NGEF: variants seen among roughly 807,000 people sequenced by gnomAD.
The protein encoded by NGEF is neuronal guanine nucleotide exchange factor, also known as ephexin-1.
A neutral mutation model predicts 80.9 loss-of-function variants in NGEF; 31 were observed. That is an observed-to-expected ratio of 0.38 (90% CI 0.29 to 0.52). NGEF has a LOEUF of 0.52. NGEF is among the 20% of genes least tolerant of loss of function. NGEF has a pLI of 0.84. For synonymous variants in NGEF, 371 were observed against 370.2 expected, an observed-to-expected ratio of 1.00 and a Z score of -0.03; for missense variants, 709 against 926.2, an observed-to-expected ratio of 0.77 and a Z score of 3.04.
At chr2:232,917,224 A>C (rs1692822549) in intron 5 of NGEF, among the ~76,000 whole-genome samples, 1 of 152,224 alleles carries the variant, frequency 6.6e-6, no homozygotes, top group Admixed American at 6.5e-5. Context: ...AATGTGCTAA[A>C]ACTAAAAGAA....
chr2:232,975,572 C>T (rs1000204429), intron 1 of NGEF, among the ~76,000 whole-genome samples: 3 of 152,156 alleles, frequency 2.0e-5, no homozygotes, highest in African/African-American at 7.2e-5. Flanking sequence ...GGTTACCTCC[C>T]TCTGGGGTGA....
chr2:232,994,800 A>G (rs2106337123), intron 1 of NGEF, among the ~76,000 whole-genome samples: 1 of 152,150 alleles, frequency 6.6e-6, no homozygotes, highest in Admixed American at 6.5e-5. Flanking sequence ...GAGCTGCTTT[A>G]TTTATGCATT....
intron 2 of NGEF, among the ~76,000 whole-genome samples, chr2:232,972,023 G>C (rs543109268): frequency 9.8e-5 from 15 of 152,328 alleles, no homozygotes; most frequent in African/African-American, 3.6e-4. Context: ...TTATGCACTT[G>C]AAATGTGGCT....
intron 3 of NGEF, among the ~76,000 whole-genome samples, chr2:232,962,828 G>A (rs902769501): frequency 2.0e-5 from 3 of 151,776 alleles, no homozygotes; most frequent in African/African-American, 7.3e-5. Flanking sequence ...AACAATTTAA[G>A]TTGCCAATAT....
Position 232,974,787 on chromosome 2 carries a change from A to C in NGEF, c.104T>G (p.Leu35Arg), listed in dbSNP as rs767299628. 3 of 1,614,050 alleles carry C rather than the reference A, an allele frequency of 1.9e-6. No homozygotes were observed. Among genetic ancestry groups the C allele is most frequent in the Non-Finnish European group, 2.5e-6 (3 of 1,180,032 alleles). ...NEPAKVKPEL[L>R]PEKEETSQAD... ...TTGAGAAGTCTCCTCTTTTTCTGGGAGTAACTCAGGTTTCACCTTGGCTGG... is the reference window on the plus strand; with the variant it reads ...TTGAGAAGTCTCCTCTTTTTCTGGGCGTAACTCAGGTTTCACCTTGGCTGG... Residue 35 changes from leucine to arginine, a missense_variant, in exon 2 of 15, where the codon CTC (leucine) becomes CGC (arginine). By Grantham distance (102) the Leu-to-Arg change is moderately radical. Coordinates refer to ENST00000264051, the MANE Select transcript of NGEF (RefSeq NM_019850.3).
chr2:232,961,223 C>T (rs541582527), intron 3 of NGEF, among the ~76,000 whole-genome samples: 226 of 152,234 alleles, frequency 1.5e-3, no homozygotes, highest in Non-Finnish European at 1.8e-3. Context: ...TAATCTACTG[C>T]CTCTAGCCCC....
intron 2 of NGEF, among the ~76,000 whole-genome samples, chr2:232,973,577 G>A (rs1694236288): frequency 6.6e-6 from 1 of 152,164 alleles, no homozygotes; most frequent in African/African-American, 2.4e-5. Flanking sequence ...CTCAGAACCC[G>A]ACTGCCATAT....
In NGEF at chr2:232,891,894, G is replaced by A. The variant is rs72482111; in HGVS notation, c.1143-407C>T. On this transcript the variant is annotated intron_variant, in intron 7 of 14. Transcript: ENST00000264051. ...ACTATTTCTGACAGGTGGGCTCAGC[G>A]GTGGGCTGGGCCACAGCGCTGATGA... 7.2e-5 allele frequency among the ~76,000 whole-genome samples: 11 copies of A among 152,242 alleles called. No homozygotes were observed. The East Asian group carries it at 1.9e-3, about 27-fold the overall frequency.
At chr2:232,901,890 C>T (rs1692367554) in intron 5 of NGEF, among the ~76,000 whole-genome samples, 1 of 152,236 alleles carries the variant, frequency 6.6e-6, no homozygotes, top group Non-Finnish European at 1.5e-5. Flanking sequence ...ACCATCCAGG[C>T]TCCGTGTCTC....
At chr2:232,998,879 T>C (rs986435026) in intron 1 of NGEF, among the ~76,000 whole-genome samples, 2 of 152,186 alleles carry the variant, frequency 1.3e-5, no homozygotes, top group Non-Finnish European at 2.9e-5. Flanking sequence ...TGTAGGGTGA[T>C]GTTGCATATC....
At chr2:233,001,781 G>C (rs1406261815) in intron 1 of NGEF, among the ~76,000 whole-genome samples, 1 of 152,120 alleles carries the variant, frequency 6.6e-6, no homozygotes, top group Non-Finnish European at 1.5e-5. Flanking sequence ...TTGGGAGGCC[G>C]AGGCGGGTGG....
chr2:232,989,129 T>C (rs1350140918), intron 1 of NGEF, among the ~76,000 whole-genome samples: 1 of 152,178 alleles, frequency 6.6e-6, no homozygotes, highest in African/African-American at 2.4e-5. Context: ...TTAAGGTATG[T>C]ACCTTTTAAT....
intron 3 of NGEF, among the ~76,000 whole-genome samples, chr2:232,967,570 T>C (rs957903099): frequency 2.0e-5 from 3 of 152,114 alleles, no homozygotes; most frequent in Admixed American, 6.6e-5. Flanking sequence ...CCTGACCTCA[T>C]GTGATCCTCC....
chr2:232,906,829 C>T lies in NGEF; in HGVS notation c.829-11913G>A, dbSNP rs1423465807. ...GACATGGGAGACTTTTCATTTTGTT[C>T]TGTACTAAGAAAAATTCTTCTGCCT... On this transcript the variant is annotated intron_variant, in intron 5 of 14. Coordinates refer to ENST00000264051, the MANE Select transcript of NGEF (RefSeq NM_019850.3). 3.3e-5 allele frequency among the ~76,000 whole-genome samples: 5 copies of T among 151,766 alleles called. No homozygotes were observed. In the East Asian group the frequency reaches 5.8e-4, roughly 18 times the overall value.
chr2:232,976,062 T>G (rs1158737779), intron 1 of NGEF, among the ~76,000 whole-genome samples: 1 of 151,900 alleles, frequency 6.6e-6, no homozygotes, highest in Non-Finnish European at 1.5e-5. Flanking sequence ...TTAGCTGGGT[T>G]TGGTGGCACA....
In NGEF at chr2:232,891,417, A is replaced by G; in HGVS notation, c.1213T>C (p.Phe405Leu). The change falls in exon 8 of 15, where the codon TTC (phenylalanine) becomes CTC (leucine). Residue 405 changes from phenylalanine to leucine, a missense_variant. Transcript: ENST00000264051. Reference sequence around the variant, plus strand: ...AAAGGCAGGATGAGGAAGGAGGAGAAGGGCAGCCCCCTGCACTTGGGGTCG... The same window carrying G: ...AAAGGCAGGATGAGGAAGGAGGAGAGGGGCAGCCCCCTGCACTTGGGGTCG... ...ELDPKCRGLP[F>L]SSFLILPFQR... 1 of 1,613,556 alleles carries G rather than the reference A, an allele frequency of 6.2e-7. No individual in the cohort carries two copies. Among genetic ancestry groups the G allele is most frequent in the Admixed American group, 1.7e-5 (1 of 60,030 alleles).
chr2:232,953,105 C>T (rs938575610), intron 3 of NGEF, among the ~76,000 whole-genome samples: 1 of 150,926 alleles, frequency 6.6e-6, no homozygotes, highest in African/African-American at 2.4e-5. Flanking sequence ...TGTTCGAGAC[C>T]AGCCTGACCA....
intron 5 of NGEF, among the ~76,000 whole-genome samples, chr2:232,903,442 A>G (rs575052691): frequency 0.039 from 5,879 of 152,038 alleles, 392 homozygotes; most frequent in African/African-American, 0.13. Context: ...GAGGGCACAC[A>G]CACACACACA....
intron 4 of NGEF, 72 bp from the exon 5 acceptor site, chr2:232,920,657 AG>A: frequency 4.9e-6 from 7 of 1,428,804 alleles, no homozygotes; most frequent in Non-Finnish European, 5.6e-6. Flanking sequence ...CCCTAAGTCA[AG>A]GCTTCGTGTT....
Sources: allele counts gnomAD v4.1 joint callset (sites outside exome capture counted in the v4.1 genomes callset), GRCh38; gene constraint gnomAD v4.1.1; transcripts MANE v1.5; gene names NCBI Gene and HGNC (gene_info 2026-07-23, HGNC 2026-07-21).